Variants in PPFIA2 observed in about 807,000 individuals in gnomAD.
The protein encoded by PPFIA2 is liprin-alpha-2.
PPFIA2 carries 46 observed loss-of-function variants against 175.5 expected under a neutral mutation model. That is an observed-to-expected ratio of 0.26 (90% CI 0.21 to 0.34). PPFIA2 has a LOEUF of 0.34. Among genes scored for constraint, PPFIA2 ranks in the 10% least tolerant of loss-of-function variants. The pLI is 1.00. For synonymous variants in PPFIA2, 568 were observed against 511.4 expected (o/e 1.11, Z -1.49); for missense variants, 1,179 against 1,506.1 (o/e 0.78, Z 3.60).
chr12:81,560,506 C>A (rs1013974384), intron 4 of PPFIA2, among the ~76,000 whole-genome samples: 2 of 152,110 alleles, frequency 1.3e-5, no homozygotes, highest in Admixed American at 6.6e-5. Context: ...TGACTTACTT[C>A]TTTCATAAAT....
intron 4 of PPFIA2, among the ~76,000 whole-genome samples, chr12:81,642,212 C>G (rs193276260): frequency 6.6e-6 from 1 of 151,880 alleles, no homozygotes; most frequent in Non-Finnish European, 1.5e-5. Context: ...GACTTATACA[C>G]ATATATACAC....
At chr12:81,714,038 G>A (rs1032572398) in intron 3 of PPFIA2, among the ~76,000 whole-genome samples, 2 of 151,104 alleles carry the variant, frequency 1.3e-5, no homozygotes, top group South Asian at 2.1e-4. Context: ...AAGATCACTG[G>A]AAGAAGACTA....
At chr12:81,683,117 C>T (rs1005202344) in intron 3 of PPFIA2, among the ~76,000 whole-genome samples, 1 of 152,016 alleles carries the variant, frequency 6.6e-6, no homozygotes, top group South Asian at 2.1e-4. Flanking sequence ...AAATTAAACT[C>T]TTGATTCCAT....
rs1433214587 is a variant in PPFIA2, at chr12:81,457,784, G to A, written c.386C>T (p.Ala129Val). The A allele has an allele frequency of 6.2e-7, 1 of 1,607,204 alleles. No individual in the cohort carries two copies. Among genetic ancestry groups the A allele is most frequent in the Non-Finnish European group, 8.5e-7 (1 of 1,176,416 alleles). The change falls in exon 5 of 33, where the codon GCT becomes GTT. Residue 129 changes from alanine (A) to valine (V), a missense_variant. By Grantham distance (64) the Ala-to-Val change is moderately conservative (BLOSUM62 0). Around this residue, in one of 10 missense-constraint regions of PPFIA2, gnomAD observed 49 missense variants for 108.9 expected, o/e 0.45. Coordinates refer to ENST00000549396, the MANE Select transcript of PPFIA2 (RefSeq NM_003625.5). Reference sequence around the variant, plus strand: ...ACTTACTCTTGTGTTGTTTCTTTCAGCTTTAAGTTCAGAGATTTCTTCTTC... The same window carrying A: ...ACTTACTCTTGTGTTGTTTCTTTCAACTTTAAGTTCAGAGATTTCTTCTTC... ...EKEEEISELKAERNNTRLLLE... is the reference protein window; with the variant it reads ...EKEEEISELKVERNNTRLLLE...
intron 22 of PPFIA2, among the ~76,000 whole-genome samples, chr12:81,313,032 G>A (rs1215547508): frequency 6.6e-6 from 1 of 151,658 alleles, no homozygotes; most frequent in Non-Finnish European, 1.5e-5. Flanking sequence ...GTTGTTTTTG[G>A]GGAAACATCC....
chr12:81,396,276 T>G (rs1566639308), intron 8 of PPFIA2, among the ~76,000 whole-genome samples: 1 of 152,208 alleles, frequency 6.6e-6, no homozygotes, highest in South Asian at 2.1e-4. Flanking sequence ...GGATCCTAAC[T>G]TTTATGGAGG....
intron 19 of PPFIA2, 48 bp from the exon 20 acceptor site, chr12:81,341,256 T>C: frequency 1.3e-6 from 2 of 1,566,920 alleles, no homozygotes; most frequent in Non-Finnish European, 8.7e-7. Flanking sequence ...TAAATTTCAG[T>C]TGAAATTGAC....
At chr12:81,560,088 C>A (rs145791170) in intron 4 of PPFIA2, among the ~76,000 whole-genome samples, 210 of 151,970 alleles carry the variant, frequency 1.4e-3, no homozygotes, top group African/African-American at 4.9e-3. Context: ...TACCTGTGAT[C>A]CTGAATAATA....
At chr12:81,729,884 G>A (rs1025248484) in intron 3 of PPFIA2, among the ~76,000 whole-genome samples, 8 of 151,450 alleles carry the variant, frequency 5.3e-5, no homozygotes, top group African/African-American at 1.9e-4. Context: ...AAGAAAGCTG[G>A]GACTTCAGTT....
chr12:81,561,004 T>G (rs1253161754), intron 4 of PPFIA2, among the ~76,000 whole-genome samples: 1 of 152,168 alleles, frequency 6.6e-6, no homozygotes, highest in Non-Finnish European at 1.5e-5. Context: ...AATGAAAAAC[T>G]AATTGTGTAT....
chr12:81,286,589 G>A (rs1230925586), intron 24 of PPFIA2, among the ~76,000 whole-genome samples: 1 of 151,864 alleles, frequency 6.6e-6, no homozygotes, highest in Admixed American at 6.6e-5. Context: ...TACCATTTAG[G>A]TTTATGTAAG....
chr12:81,625,302 G>A (rs1402567266), intron 4 of PPFIA2, among the ~76,000 whole-genome samples: 1 of 151,686 alleles, frequency 6.6e-6, no homozygotes, highest in Non-Finnish European at 1.5e-5. Flanking sequence ...TCATGATCAG[G>A]GCCTAAACAT....
chr12:81,383,425 A>AT (rs2038205983), intron 9 of PPFIA2, among the ~76,000 whole-genome samples: 1 of 152,110 alleles, frequency 6.6e-6, no homozygotes, highest in Admixed American at 6.6e-5. Context: ...CAAATTAAAC[A>AT]TCTCCTAGTA....
intron 4 of PPFIA2, among the ~76,000 whole-genome samples, chr12:81,543,925 T>C (rs2066595401): frequency 6.6e-6 from 1 of 152,146 alleles, no homozygotes; most frequent in Non-Finnish European, 1.5e-5. Flanking sequence ...GTGACTAGTA[T>C]ACTTCAAAAC....
chr12:81,298,238 G>A (rs1225859608), intron 23 of PPFIA2: 1 of 152,126 alleles, frequency 6.6e-6, no homozygotes, highest in Non-Finnish European at 1.5e-5. Context: ...GTTGAAAGAA[G>A]CAGCTGATCG....
intron 4 of PPFIA2, among the ~76,000 whole-genome samples, chr12:81,645,768 A>G (rs2153523855): frequency 6.6e-6 from 1 of 152,358 alleles, no homozygotes; most frequent in East Asian, 1.9e-4. Context: ...CATTTTAAAA[A>G]TTCTTAAGAC....
intron 4 of PPFIA2, among the ~76,000 whole-genome samples, chr12:81,527,686 T>C (rs778421196): frequency 4.6e-5 from 7 of 152,152 alleles, no homozygotes; most frequent in Admixed American, 1.3e-4. Flanking sequence ...TGAATTCTTA[T>C]GTTCCACCCA....
At chr12:81,382,908 G>A (rs958497772) in intron 9 of PPFIA2, among the ~76,000 whole-genome samples, 1 of 152,096 alleles carries the variant, frequency 6.6e-6, no homozygotes, top group Non-Finnish European at 1.5e-5. Flanking sequence ...GAGAAGGGAA[G>A]ACACTCCAAG....
At chr12:81,673,004 T>A (rs746792498) in intron 4 of PPFIA2, among the ~76,000 whole-genome samples, 1 of 152,046 alleles carries the variant, frequency 6.6e-6, no homozygotes, top group Non-Finnish European at 1.5e-5. Flanking sequence ...ACACCTTTCA[T>A]TGTGTATATA....
Sources: gnomAD v4.1 joint callset for allele counts (sites outside exome capture counted in the v4.1 genomes callset) on GRCh38, gnomAD v4.1.1 for gene constraint, gnomAD v4.1.1 regional missense constraint, MANE v1.5 for transcripts, NCBI Gene and HGNC (gene_info 2026-07-23, HGNC 2026-07-21) for gene names.